CAB39L: variants seen among roughly 807,000 people sequenced by gnomAD.
CAB39L encodes calcium-binding protein 39-like.
CAB39L carries 23 observed loss-of-function variants against 39.1 expected under a neutral mutation model. That is an observed-to-expected ratio of 0.59 (90% CI 0.42 to 0.83). CAB39L has a LOEUF of 0.83. Ranked by LOEUF, CAB39L falls within the 40% of genes least tolerant of loss-of-function variation. The probability of loss-of-function intolerance (pLI) is 0.00; values close to 1 mark genes in which losing one functional copy is unlikely to be tolerated. For synonymous variants in CAB39L, 126 were observed against 137.2 expected, an observed-to-expected ratio of 0.92 and a Z score of 0.57; for missense variants, 366 against 391.9, an observed-to-expected ratio of 0.93 and a Z score of 0.56.
At chr13:49,359,187 A>G (rs1013829637) in intron 6 of CAB39L, among the ~76,000 whole-genome samples, 1 of 152,180 alleles carries the variant, frequency 6.6e-6, no homozygotes, top group African/African-American at 2.4e-5. Context: ...ACATTTATAA[A>G]TAAGTATACA....
At chr13:49,424,155 G>A (rs930022375) in intron 3 of CAB39L, among the ~76,000 whole-genome samples, 3 of 152,156 alleles carry the variant, frequency 2.0e-5, no homozygotes, top group African/African-American at 7.2e-5. Flanking sequence ...CTTCTTTCCA[G>A]AGAGCAGCAT....
At chr13:49,355,202 C>A (rs1461967668) in intron 6 of CAB39L, among the ~76,000 whole-genome samples, 1 of 150,942 alleles carries the variant, frequency 6.6e-6, no homozygotes, top group Non-Finnish European at 1.5e-5. Flanking sequence ...ATAGTGGGAC[C>A]CTGTTTCTAC....
intron 1 of CAB39L, among the ~76,000 whole-genome samples, chr13:49,436,280 G>A (rs1957411601): frequency 6.6e-6 from 1 of 152,184 alleles, no homozygotes; most frequent in Non-Finnish European, 1.5e-5. Flanking sequence ...AGTACACAAT[G>A]AGCCTTTTCA....
Position 49,311,027 on chromosome 13 carries a change from A to C in CAB39L, c.835-34T>G, listed in dbSNP as rs765114383. The C allele has an allele frequency of 1.9e-6, 3 of 1,600,162 alleles. No individual in the cohort carries two copies. In the South Asian group the frequency reaches 3.3e-5, roughly 18 times the overall value. Reference sequence around the variant, plus strand: ...AAAAGAAACAAATACTTAGGAGTGCAAGCCAGGGACCTCACCCACGCTACA... The same window carrying C: ...AAAAGAAACAAATACTTAGGAGTGCCAGCCAGGGACCTCACCCACGCTACA... On this transcript the variant is annotated intron_variant, in intron 10 of 10. Transcript: ENST00000409308.
At chr13:49,358,484 A>C (rs750348782) in intron 6 of CAB39L, among the ~76,000 whole-genome samples, 21 of 152,192 alleles carry the variant, frequency 1.4e-4, no homozygotes, top group Non-Finnish European at 2.1e-4. Context: ...CACAGAGGTA[A>C]ATATATGATG....
Position 49,345,220 on chromosome 13 carries a change from T to C in CAB39L, c.565-982A>G, listed in dbSNP as rs1184705135. Reference sequence around the variant, plus strand: ...TTAATTAAAATTTCCTAAAAGCATATAGAAGGTACACAACATAACTTCACA... The same window carrying C: ...TTAATTAAAATTTCCTAAAAGCATACAGAAGGTACACAACATAACTTCACA... On this transcript the variant is annotated intron_variant, in intron 7 of 10. Coordinates refer to ENST00000409308, the MANE Select transcript of CAB39L (RefSeq NM_001079670.3). Among the ~76,000 whole-genome samples the C allele has an allele frequency of 3.9e-5, 6 of 152,208 alleles. No individual in the cohort carries two copies. The East Asian group carries it at 7.7e-4, about 20-fold the overall frequency.
At chr13:49,375,463 G>C (rs188727107) in intron 5 of CAB39L, among the ~76,000 whole-genome samples, 62 of 152,224 alleles carry the variant, frequency 4.1e-4, no homozygotes, top group Admixed American at 1.9e-3. Flanking sequence ...TTAAATCTAA[G>C]ATGGAGACCT....
At chr13:49,412,120 T>C (rs1202759062) in intron 3 of CAB39L, among the ~76,000 whole-genome samples, 1 of 152,208 alleles carries the variant, frequency 6.6e-6, no homozygotes, top group South Asian at 2.1e-4. Flanking sequence ...CAAATTGGTG[T>C]TCCTTAATAT....
intron 5 of CAB39L, among the ~76,000 whole-genome samples, chr13:49,375,296 T>C (rs1361099892): frequency 6.6e-6 from 1 of 152,188 alleles, no homozygotes; most frequent in Non-Finnish European, 1.5e-5. Flanking sequence ...AGAGCAGAGC[T>C]GGGACTCTAA....
intron 3 of CAB39L, among the ~76,000 whole-genome samples, chr13:49,409,450 T>TC (rs1555264575): frequency 7.0e-6 from 1 of 143,534 alleles, no homozygotes. Context: ...TTGTTTGCTT[T>TC]AAAAAAAAAA....
In CAB39L at chr13:49,371,198, T is replaced by TTC. The variant is rs574337779; in HGVS notation, c.276+5768_276+5769insGA. On this transcript the variant is annotated intron_variant, in intron 5 of 10. Transcript: ENST00000409308. Reference sequence around the variant, plus strand: ...CTTTTTCTTTTTCTTTCTTTTTTTTTTTTTTTGAGATGGAGTTTCACTCTT... The same window carrying TTC: ...CTTTTTCTTTTTCTTTCTTTTTTTTTTCTTTTTTGAGATGGAGTTTCACTCTT... Among the ~76,000 whole-genome samples the TTC allele has an allele frequency of 5.7e-4, 86 of 150,576 alleles. 1 individual carries two copies. The highest frequency in any genetic ancestry group is 1.9e-3 in the Admixed American group (29 of 15,184).
At chr13:49,363,583 AGAAG>A (rs1384573810) in intron 5 of CAB39L, among the ~76,000 whole-genome samples, 3 of 152,178 alleles carry the variant, frequency 2.0e-5, no homozygotes, top group Non-Finnish European at 4.4e-5. Flanking sequence ...AAGGAAGAGA[AGAAG>A]GAAGAGATGA....
At chr13:49,402,331 T>G (rs1481421657) in intron 3 of CAB39L, among the ~76,000 whole-genome samples, 2 of 152,204 alleles carry the variant, frequency 1.3e-5, no homozygotes, top group Non-Finnish European at 2.9e-5. Flanking sequence ...GAAAGCTGAG[T>G]GGGCTCGTGG....
At chr13:49,369,930 T>C (rs570577488) in intron 5 of CAB39L, among the ~76,000 whole-genome samples, 203 of 152,108 alleles carry the variant, frequency 1.3e-3, no homozygotes, top group African/African-American at 4.7e-3. Context: ...TGTTCTTCAT[T>C]ACAGAACTGT....
At chr13:49,337,394 G>C (rs1954878130) in intron 9 of CAB39L, among the ~76,000 whole-genome samples, 2 of 152,116 alleles carry the variant, frequency 1.3e-5, no homozygotes, top group Admixed American at 6.6e-5. Context: ...TTCTGAGAGG[G>C]ATCTGAAGGA....
intron 3 of CAB39L, among the ~76,000 whole-genome samples, chr13:49,389,074 G>A (rs1321334408): frequency 6.6e-6 from 1 of 152,164 alleles, no homozygotes; most frequent in Non-Finnish European, 1.5e-5. Flanking sequence ...AAAGAAAAGT[G>A]TTGATGAGAA....
chr13:49,344,521 ATTT>A (rs369905242), intron 7 of CAB39L, among the ~76,000 whole-genome samples: 3 of 135,976 alleles, frequency 2.2e-5, no homozygotes, highest in Non-Finnish European at 1.6e-5. Flanking sequence ...AGATGAGTTA[ATTT>A]TTTTTTTTTT....
chr13:49,383,591 C>T (rs556210333), intron 3 of CAB39L, among the ~76,000 whole-genome samples: 1 of 152,236 alleles, frequency 6.6e-6, no homozygotes, highest in African/African-American at 2.4e-5. Context: ...AGGTTCAGTT[C>T]CAGACCATTG....
At chr13:49,434,625 C>T (rs185456774) in intron 1 of CAB39L, among the ~76,000 whole-genome samples, 6 of 151,854 alleles carry the variant, frequency 4.0e-5, no homozygotes, top group Admixed American at 6.6e-5. Flanking sequence ...TTTGGGAGGC[C>T]GAGGCAGGAG....
Sources: allele counts gnomAD v4.1 joint callset (sites outside exome capture counted in the v4.1 genomes callset), GRCh38; gene constraint gnomAD v4.1.1; transcripts MANE v1.5; gene names NCBI Gene and HGNC (gene_info 2026-07-23, HGNC 2026-07-21).